The following TNFSF4 variants were observed in gnomAD, a reference collection of about 807,000 sequenced individuals.
TNFSF4 encodes TNF superfamily member 4.
In TNFSF4, 4 loss-of-function variants were observed where a neutral mutation model predicts 7.3. The observed-to-expected ratio is 0.55, with a 90% CI of 0.27 to 1.25. TNFSF4 has a LOEUF of 1.25. Among genes scored for constraint, TNFSF4 ranks in the 50% most tolerant of loss-of-function variants. The pLI is 0.12. For missense variants in TNFSF4, 181 were observed against 208.8 expected, an observed-to-expected ratio of 0.87 and a Z score of 0.82; for synonymous variants, 76 against 83.7, an observed-to-expected ratio of 0.91 and a Z score of 0.50.
chr1:173,374,620 C>G, the TNFSF4 span, among the ~76,000 whole-genome samples: 1 of 152,282 alleles, frequency 6.6e-6, no homozygotes, highest in African/African-American at 2.4e-5. Context: ...GAGGAAAAAC[C>G]CCTTCCGACT....
chr1:173,410,455 C>G, the TNFSF4 span, among the ~76,000 whole-genome samples: 2 of 152,224 alleles, frequency 1.3e-5, no homozygotes, highest in Non-Finnish European at 2.9e-5. Flanking sequence ...CACTCACTCA[C>G]TGGTTCTCCG....
chr1:173,367,715 G>T, the TNFSF4 span, among the ~76,000 whole-genome samples: 350 of 152,316 alleles, frequency 2.3e-3, 5 homozygotes, highest in African/African-American at 8.1e-3. Flanking sequence ...TGGAAAATCT[G>T]CCTCTGAACA....
chr1:173,285,787 G>A, the TNFSF4 span, among the ~76,000 whole-genome samples: 2 of 152,150 alleles, frequency 1.3e-5, no homozygotes, highest in African/African-American at 4.8e-5. Flanking sequence ...CACACAGTAG[G>A]CTACAGTATA....
chr1:173,424,890 G>A, the TNFSF4 span, among the ~76,000 whole-genome samples: 17 of 152,248 alleles, frequency 1.1e-4, no homozygotes, highest in African/African-American at 3.9e-4. Context: ...TTCATCTGAA[G>A]AATGCGACCA....
chr1:173,373,289 C>T, the TNFSF4 span, among the ~76,000 whole-genome samples: 1 of 152,166 alleles, frequency 6.6e-6, no homozygotes, highest in Non-Finnish European at 1.5e-5. Flanking sequence ...CAGAAGGAAA[C>T]CATCGGGCAG....
the TNFSF4 span, among the ~76,000 whole-genome samples, chr1:173,349,349 T>C: frequency 6.6e-6 from 1 of 152,172 alleles, no homozygotes; most frequent in African/African-American, 2.4e-5. Context: ...TTTTGTTTAG[T>C]GTTTTACAAC....
the TNFSF4 span, among the ~76,000 whole-genome samples, chr1:173,352,924 C>T: frequency 6.6e-6 from 1 of 152,146 alleles, no homozygotes; most frequent in Non-Finnish European, 1.5e-5. Flanking sequence ...TATTAATATT[C>T]CTTGCTGGGG....
chr1:173,381,872 T>A, the TNFSF4 span, among the ~76,000 whole-genome samples: 1 of 152,118 alleles, frequency 6.6e-6, no homozygotes, highest in Non-Finnish European at 1.5e-5. Flanking sequence ...AGTTTGTAAA[T>A]GCACCAAGCA....
upstream of TNFSF4, among the ~76,000 whole-genome samples, chr1:173,210,084 G>A (rs560578948): frequency 1.3e-5 from 2 of 151,498 alleles, no homozygotes; most frequent in Admixed American, 1.3e-4. Context: ...GGATTTTTTG[G>A]TGTCTGGGTT....
the TNFSF4 span, among the ~76,000 whole-genome samples, chr1:173,237,678 T>C: frequency 6.6e-6 from 1 of 152,098 alleles, no homozygotes; most frequent in Non-Finnish European, 1.5e-5. Context: ...AAGGATAAAA[T>C]GCCTAGTAAT....
At chr1:173,377,195 A>G in the TNFSF4 span, among the ~76,000 whole-genome samples, 154 of 152,318 alleles carry the variant, frequency 1.0e-3, no homozygotes, top group African/African-American at 3.4e-3. Flanking sequence ...CAAATGTACA[A>G]TCACCAAGCG....
At position 173,193,581 on chromosome 1, in the gene TNFSF4, C is replaced by T. The variant is rs192967189; in HGVS notation, c.154-5012G>A. Among the ~76,000 whole-genome samples, 257 of 152,058 alleles carry T rather than the reference C, an allele frequency of 1.7e-3. 2 individuals carry two copies. The highest frequency in any genetic ancestry group is 5.6e-3 in the African/African-American group (234 of 41,466). On this transcript the variant is annotated intron_variant, in intron 1 of 2. Transcript: ENST00000281834. ...ACACAAGTACTATTTTTCTCCCACG[C>T]GAATTTGAAGAAAAAAATTCTATGA...
chr1:173,381,328 G>C, the TNFSF4 span, among the ~76,000 whole-genome samples: 1 of 152,172 alleles, frequency 6.6e-6, no homozygotes. Flanking sequence ...GGGATAGTAT[G>C]AGATGCCACC....
At chr1:173,314,347 C>T in the TNFSF4 span, among the ~76,000 whole-genome samples, 1 of 152,012 alleles carries the variant, frequency 6.6e-6, no homozygotes, top group African/African-American at 2.4e-5. Flanking sequence ...ACCATTCTTC[C>T]CATTCTTGAG....
At chr1:173,425,718 A>C in the TNFSF4 span, among the ~76,000 whole-genome samples, 1 of 152,244 alleles carries the variant, frequency 6.6e-6, no homozygotes, top group Non-Finnish European at 1.5e-5. Context: ...TAAATGGTTA[A>C]TGCACACACA....
chr1:173,363,810 C>T, the TNFSF4 span: 1 of 166,340 alleles, frequency 6.0e-6, no homozygotes, highest in Non-Finnish European at 1.3e-5. Context: ...AGGAGCTGCC[C>T]ACCAGGGGTG....
the TNFSF4 span, among the ~76,000 whole-genome samples, chr1:173,322,720 C>T: frequency 1.3e-5 from 2 of 152,136 alleles, no homozygotes; most frequent in Admixed American, 6.5e-5. Flanking sequence ...GCTTATCAAA[C>T]GGCACACCAG....
the TNFSF4 span, among the ~76,000 whole-genome samples, chr1:173,392,488 A>G: frequency 1.2e-4 from 18 of 152,360 alleles, no homozygotes; most frequent in Admixed American, 1.0e-3. Flanking sequence ...GCTGCCTGGC[A>G]TTCACCAACT....
the TNFSF4 span, among the ~76,000 whole-genome samples, chr1:173,283,359 A>C: frequency 3.9e-5 from 6 of 152,070 alleles, no homozygotes; most frequent in African/African-American, 1.4e-4. Flanking sequence ...AAAAGACAAG[A>C]TTTTCTTCAA....
Sources: gnomAD v4.1 joint callset for allele counts (sites outside exome capture counted in the v4.1 genomes callset) on GRCh38, gnomAD v4.1.1 for gene constraint, MANE v1.5 for transcripts, NCBI Gene and HGNC (gene_info 2026-07-23, HGNC 2026-07-21) for gene names.